The following ATP6V0A2 variants were observed in gnomAD, a reference collection of about 807,000 sequenced individuals.
The protein encoded by ATP6V0A2 is V-type proton ATPase 116 kDa subunit a 2.
Under a neutral mutation model 104.4 loss-of-function variants are expected in ATP6V0A2, and 58 were observed. The ratio of observed to expected loss-of-function variants is 0.56; its 90% CI spans 0.45 to 0.69. The LOEUF is 0.69. Ranked by LOEUF, ATP6V0A2 falls within the 30% of genes least tolerant of loss-of-function variation. The probability of loss-of-function intolerance (pLI) is 0.00; values close to 1 mark genes in which losing one functional copy is unlikely to be tolerated. For synonymous variants in ATP6V0A2, 376 were observed against 397.9 expected (o/e 0.95, Z 0.65); for missense variants, 938 against 1,062.9 (o/e 0.88, Z 1.63).
intron 8 of ATP6V0A2, 90 bp downstream of exon 8, chr12:123,735,714 T>C (rs1956546708): frequency 9.3e-7 from 1 of 1,075,578 alleles, no homozygotes; most frequent in Non-Finnish European, 1.4e-6. Flanking sequence ...ATAGATAATA[T>C]TGGTCGTAGA....
rs188446858 is a variant in ATP6V0A2 at position 123,717,208 on chromosome 12, G to A, written c.118-1415G>A. 7.7e-3 allele frequency among the ~76,000 whole-genome samples: 1,155 copies of A among 150,000 alleles called. 13 individuals are homozygous for A. The highest frequency in any genetic ancestry group is 0.026 in the African/African-American group (1,062 of 40,812). On this transcript the variant is annotated intron_variant, in intron 1 of 19. Coordinates refer to ENST00000330342, the MANE Select transcript of ATP6V0A2 (RefSeq NM_012463.4). ...CACTTGGCTGTAATCCCAGCTACTC[G>A]GGAGGCTGAGGCAGGAGAATCGCTT... is the stretch of plus-strand genomic sequence containing the variant.
intron 4 of ATP6V0A2, among the ~76,000 whole-genome samples, chr12:123,725,709 C>T (rs1956442622): frequency 6.6e-6 from 1 of 151,586 alleles, no homozygotes; most frequent in Admixed American, 6.6e-5. Flanking sequence ...TCATTTGAGC[C>T]CAGAAGTTTG....
rs188240674 is a variant in ATP6V0A2 at position 123,738,036 on chromosome 12, G to A, written c.1038+765G>A. Among the ~76,000 whole-genome samples, 293 of 152,294 alleles carry A rather than the reference G, an allele frequency of 1.9e-3. 3 individuals carry two copies. The highest frequency in any genetic ancestry group is 6.9e-3 in the African/African-American group (285 of 41,548). On this transcript the variant is annotated intron_variant, in intron 9 of 19. Transcript: ENST00000330342. The stretch of plus-strand genomic sequence containing the variant: ...GTAAATTCCCAGAAATGGAATTACT[G>A]GACTGATTTTGATAGATGTTGTCAG...
chr12:123,724,861 A>G (rs1956434094), intron 4 of ATP6V0A2, 70 bp downstream of exon 4: 3 of 1,382,112 alleles, frequency 2.2e-6, no homozygotes, highest in East Asian at 2.3e-5. Context: ...TCATTCCCAT[A>G]GGCTGTGTAT....
intron 1 of ATP6V0A2, among the ~76,000 whole-genome samples, chr12:123,716,279 CT>C (rs1293565512): frequency 1.3e-5 from 2 of 152,052 alleles, no homozygotes; most frequent in Non-Finnish European, 2.9e-5. Flanking sequence ...GTTGGCCAGG[CT>C]GGTCTCCAAC....
chr12:123,755,340 C>T (rs1193655983), intron 18 of ATP6V0A2, among the ~76,000 whole-genome samples: 1 of 151,958 alleles, frequency 6.6e-6, no homozygotes, highest in Admixed American at 6.6e-5. Context: ...GAGTTTGACA[C>T]CAGTCTGACC....
intron 4 of ATP6V0A2, 77 bp downstream of exon 4, chr12:123,724,868 G>A (rs769695020): frequency 2.3e-6 from 3 of 1,283,958 alleles, no homozygotes; most frequent in Non-Finnish European, 3.4e-6. Flanking sequence ...CATAGGCTGT[G>A]TATTTTGCTA....
In ATP6V0A2 at chr12:123,744,399, A is replaced by T; in HGVS notation, c.1326+62A>T. The T allele has an allele frequency of 1.9e-6, 3 of 1,607,774 alleles. No homozygotes were observed. Among genetic ancestry groups the T allele is most frequent in the Non-Finnish European group, 2.6e-6 (3 of 1,174,546 alleles). ...AGGTGGCATTAGCAGTGACCGAAAG[A>T]GAGACACCTCTTAGATGTTTGCTGT... On this transcript the variant is annotated intron_variant, in intron 11 of 19. Coordinates refer to ENST00000330342, the MANE Select transcript of ATP6V0A2 (RefSeq NM_012463.4). The surrounding 1 kb of genome is among the most constrained non-coding windows in gnomAD (Gnocchi z 5.4).
chr12:123,718,669 TG>T lies in ATP6V0A2; in HGVS notation c.165del (p.Lys56ArgfsTer6). On this transcript the variant is annotated frameshift_variant, in exon 2 of 20. Coordinates refer to ENST00000330342, the MANE Select transcript of ATP6V0A2 (RefSeq NM_012463.4). LOFTEE classifies it high-confidence loss of function. Reference sequence around the variant, plus strand: ...TTCCAAAGAAAATTTGTTGGTGAGGTGAAGAGGTGTGAAGAGCTAGAGCGAA... The same window carrying T: ...TTCCAAAGAAAATTTGTTGGTGAGGTAAGAGGTGTGAAGAGCTAGAGCGAA... Reference protein sequence around the residue: ...SSFQRKFVGEVKRCEELERIL... With the variant: ...SSFQRKFVGEXKRCEELERIL... 2 of 1,612,280 alleles carry T rather than the reference TG, an allele frequency of 1.2e-6. No individual in the cohort carries two copies.
chr12:123,714,111 G>A (rs1956318254), intron 1 of ATP6V0A2, among the ~76,000 whole-genome samples: 1 of 152,186 alleles, frequency 6.6e-6, no homozygotes, highest in Non-Finnish European at 1.5e-5. Flanking sequence ...ACAGGTAGAT[G>A]TTTTCCTTCC....
At chr12:123,746,762 C>T (rs1956666750) in intron 13 of ATP6V0A2, among the ~76,000 whole-genome samples, 2 of 151,038 alleles carry the variant, frequency 1.3e-5, no homozygotes, top group Admixed American at 6.6e-5. Flanking sequence ...GTTTGGCCAA[C>T]ATGGCGAAAC....
rs955709888 is a variant in ATP6V0A2 at position 123,760,899 on chromosome 12, T to C, written c.*2867T>C. On this transcript the variant is annotated 3_prime_UTR_variant, in exon 20 of 20. Coordinates refer to ENST00000330342, the MANE Select transcript of ATP6V0A2 (RefSeq NM_012463.4). ...TGTCAGCATCCCCTCAGCAGTTGTTTATTTAAAAATTTTTTTATTTTTTTT... is the reference window on the plus strand; with the variant it reads ...TGTCAGCATCCCCTCAGCAGTTGTTCATTTAAAAATTTTTTTATTTTTTTT... The C allele has an allele frequency of 2.0e-5, 3 of 152,224 alleles. No individual in the cohort carries two copies. Among genetic ancestry groups the C allele is most frequent in the Non-Finnish European group, 4.4e-5 (3 of 68,050 alleles). 9.4% of individuals were successfully genotyped at this position (152,224 alleles called of 1,614,324 possible).
Position 123,712,731 on chromosome 12 carries a change from C to A in ATP6V0A2, c.117+49C>A, listed in dbSNP as rs557745156. On this transcript the variant is annotated intron_variant, in intron 1 of 19. Coordinates refer to ENST00000330342, the MANE Select transcript of ATP6V0A2 (RefSeq NM_012463.4). ...GGCCGCACCTGCTCTCCTGGCGCCC[C>A]CAATCCCGCGCATCGCTGGGGCCCT... 7.5e-5 allele frequency: 113 copies of A among 1,511,426 alleles called. 3 individuals are homozygous for A. In the South Asian group the frequency reaches 1.0e-3, roughly 14 times the overall value. 93.6% of individuals were successfully genotyped at this position (1,511,426 alleles called of 1,614,324 possible). A position where few individuals can be genotyped will look rare whatever the true frequency, so the allele number is the denominator to read the frequency against.
chr12:123,737,019 C>A, intron 8 of ATP6V0A2, 40 bp from the exon 9 acceptor site: 2 of 1,597,066 alleles, frequency 1.3e-6, no homozygotes, highest in Non-Finnish European at 1.7e-6. Flanking sequence ...GAAACAAAAA[C>A]ATGCCCACTC....
At chr12:123,755,898 C>T (rs899310484) in intron 18 of ATP6V0A2, among the ~76,000 whole-genome samples, 8 of 151,572 alleles carry the variant, frequency 5.3e-5, no homozygotes, top group Admixed American at 5.3e-4. Flanking sequence ...CTGGCTAACA[C>T]GTGAAACCCT....
At position 123,744,777 on chromosome 12, in the gene ATP6V0A2, C is replaced by T. The variant is rs990227419; in HGVS notation, c.1507C>T (p.Leu503Phe). ...ACCCGCAGAGCATAAGAAGATGGTG[C>T]TTTGGAAGTAAGTGTCCCATAGCTG... is the stretch of plus-strand genomic sequence containing the variant. ...HPPAEHKKMV[L>F]WNDSVVRHNS... Residue 503 changes from leucine (L) to phenylalanine (F), a missense_variant, in exon 12 of 20, where the codon CTT (leucine) becomes TTT (phenylalanine). Physicochemically the swap from Leu to Phe is conservative, Grantham distance 22. Coordinates refer to ENST00000330342, the MANE Select transcript of ATP6V0A2 (RefSeq NM_012463.4). The surrounding 1 kb of genome is among the most constrained non-coding windows in gnomAD (Gnocchi z 5.4). 24 of 1,614,162 alleles carry T rather than the reference C, an allele frequency of 1.5e-5. No homozygotes were observed. The highest frequency in any genetic ancestry group is 1.5e-5 in the Non-Finnish European group (18 of 1,180,028).
chr12:123,752,813 A>G (rs977105041), intron 17 of ATP6V0A2, among the ~76,000 whole-genome samples: 7 of 152,148 alleles, frequency 4.6e-5, no homozygotes, highest in Non-Finnish European at 8.8e-5. Flanking sequence ...TTTCAGGATA[A>G]TTACAGTTTT....
intron 6 of ATP6V0A2, among the ~76,000 whole-genome samples, chr12:123,729,008 C>A (rs1159110043): frequency 6.8e-6 from 1 of 147,164 alleles, no homozygotes; most frequent in African/African-American, 2.5e-5. Context: ...GATTAAGGCA[C>A]TTCTCTTTAG....
intron 17 of ATP6V0A2, 43 bp from the exon 18 acceptor site, chr12:123,754,377 G>T: frequency 7.0e-7 from 1 of 1,436,574 alleles, no homozygotes; most frequent in Non-Finnish European, 9.8e-7. Context: ...AAGTACACAT[G>T]TAACATCATG....
Sources: gnomAD v4.1 joint callset for allele counts (sites outside exome capture counted in the v4.1 genomes callset) on GRCh38, gnomAD v4.1.1 for gene constraint, Gnocchi (gnomAD v3.1) non-coding constraint, MANE v1.5 for transcripts, NCBI Gene and HGNC (gene_info 2026-07-23, HGNC 2026-07-21) for gene names.